Variants in DOK7 observed in about 807,000 individuals in gnomAD.
DOK7 encodes protein Dok-7.
A neutral mutation model predicts 30.7 loss-of-function variants in DOK7; 32 were observed. The observed-to-expected ratio is 1.04, with a 90% CI of 0.79 to 1.40. DOK7 has a LOEUF of 1.40. DOK7 is among the 40% of genes most tolerant of loss of function. The pLI, the probability that DOK7 is intolerant of heterozygous loss-of-function variation, is 0.00. For missense variants in DOK7, 1,007 were observed against 699.2 expected, an observed-to-expected ratio of 1.44 and a Z score of -4.97; for synonymous variants, 447 against 324.1, an observed-to-expected ratio of 1.38 and a Z score of -4.07.
chr4:3,480,807 C>T (rs777283110), intron 4 of DOK7, among the ~76,000 whole-genome samples: 6 of 151,988 alleles, frequency 3.9e-5, no homozygotes, highest in South Asian at 2.1e-4. Context: ...CATTGCCGGG[C>T]GCTGGGCCTA....
rs1375753014 is a variant in DOK7 at position 3,485,582 on chromosome 4, C to T, written c.576C>T (p.Ile192=). Residue 192 remains isoleucine, a synonymous_variant, in exon 5 of 7, where the codon ATC becomes ATT. Transcript: ENST00000340083. ...FFLSSAEGEQ[I]SFLFDCIVRG... ...TGTCCTCGGCCGAGGGGGAGCAGAT[C>T]AGCTTCCTGTTCGACTGCATCGTCC... 4 of 1,607,928 alleles carry T rather than the reference C, an allele frequency of 2.5e-6. No homozygotes were observed. Among genetic ancestry groups the T allele is most frequent in the Non-Finnish European group, 3.4e-6 (4 of 1,177,004 alleles).
intron 2 of DOK7, among the ~76,000 whole-genome samples, chr4:3,469,078 G>C (rs904622327): frequency 6.7e-6 from 1 of 149,918 alleles, no homozygotes; most frequent in African/African-American, 2.5e-5. Flanking sequence ...GTGTGCCTGA[G>C]TGTACATGTG....
At chr4:3,497,028 G>A (rs569282902), downstream of DOK7, among the ~76,000 whole-genome samples, 346 of 152,070 alleles carry the variant, frequency 2.3e-3, no homozygotes, top group Non-Finnish European at 3.7e-3. Flanking sequence ...TTGGCTGACA[G>A]TGGATGTTGG....
rs1409803504 is a variant in DOK7 at position 3,493,804 on chromosome 4, T to G, written c.*303T>G. ...CTGAGGATCAGGTGAGTGCTGCACC[T>G]CTGTTGGCTCGTGCCTTGCACTGGG... On this transcript the variant is annotated 3_prime_UTR_variant, in exon 7 of 7. Transcript: ENST00000340083. The G allele has an allele frequency of 1.2e-5, 15 of 1,300,342 alleles. No individual in the cohort carries two copies. The highest frequency in any genetic ancestry group is 1.1e-4 in the Admixed American group (3 of 26,420). 80.6% of individuals were successfully genotyped at this position (1,300,342 alleles called of 1,614,324 possible). A position where few individuals can be genotyped will look rare whatever the true frequency, so the allele number is the denominator to read the frequency against.
downstream of DOK7, among the ~76,000 whole-genome samples, chr4:3,499,098 G>C (rs188259190): frequency 6.6e-6 from 1 of 152,230 alleles, no homozygotes. Flanking sequence ...GGCAGGTGCC[G>C]GGCAGCGGGT....
At chr4:3,468,497 C>CATGTGCGTGTGTGCGTGT (rs1726471387) in intron 2 of DOK7, among the ~76,000 whole-genome samples, 1 of 110,878 alleles carries the variant, frequency 9.0e-6, no homozygotes, top group East Asian at 2.2e-4. Flanking sequence ...TATGAGTGTG[C>CATGTGCGTGTGTGCGTGT]ATGTGCGTGT....
At chr4:3,476,840 C>G (rs988028205) in intron 4 of DOK7, among the ~76,000 whole-genome samples, 1 of 152,244 alleles carries the variant, frequency 6.6e-6, no homozygotes, top group Non-Finnish European at 1.5e-5. Context: ...CCGCTCATAT[C>G]CAGATTTCAT....
downstream of DOK7, among the ~76,000 whole-genome samples, chr4:3,495,949 CTT>C (rs1348393334): frequency 6.6e-6 from 1 of 152,196 alleles, no homozygotes; most frequent in African/African-American, 2.4e-5. Context: ...ACTGTCTGCC[CTT>C]GAGTCTGGCC....
At chr4:3,485,434 T>C (rs886612526) in intron 4 of DOK7, 105 bp from the exon 5 acceptor site, 364 of 1,362,180 alleles carry the variant, frequency 2.7e-4, no homozygotes, top group Non-Finnish European at 3.4e-4. Flanking sequence ...AGGGTGTCAT[T>C]GTCGGCTCTT....
chr4:3,480,720 C>T (rs951345286), intron 4 of DOK7, among the ~76,000 whole-genome samples: 1 of 152,270 alleles, frequency 6.6e-6, no homozygotes, highest in Non-Finnish European at 1.5e-5. Context: ...CCACTGCAGC[C>T]TGCGGGGGCA....
rs1289203909 is a variant in DOK7, at chr4:3,473,564, A to G, written c.259A>G (p.Ile87Val). Residue 87 changes from isoleucine (I) to valine (V), a missense_variant, in exon 3 of 7, where the codon ATC (isoleucine) becomes GTC (valine). Coordinates refer to ENST00000340083, the MANE Select transcript of DOK7 (RefSeq NM_173660.5). ...GGCCATTGTCTGCCTGTCCCAGGCCATCATGCTGGGCTTTGACAGCCACGA... is the reference window on the plus strand; with the variant it reads ...GGCCATTGTCTGCCTGTCCCAGGCCGTCATGCTGGGCTTTGACAGCCACGA... Reference protein sequence around the residue: ...TLAIVCLSQAIMLGFDSHEAM... With the variant: ...TLAIVCLSQAVMLGFDSHEAM... 5.0e-6 allele frequency: 8 copies of G among 1,610,350 alleles called. No homozygotes were observed. Among genetic ancestry groups the G allele is most frequent in the East Asian group, 2.2e-5 (1 of 44,846 alleles).
At chr4:3,477,602 G>A (rs1056648251) in intron 4 of DOK7, among the ~76,000 whole-genome samples, 4 of 152,246 alleles carry the variant, frequency 2.6e-5, no homozygotes, top group East Asian at 3.8e-4. Flanking sequence ...TTGAGGAGAC[G>A]ACATCTGACC....
At chr4:3,489,920 T>TTC in intron 6 of DOK7, 124 bp downstream of exon 6, 1 of 1,410,680 alleles carries the variant, frequency 7.1e-7, no homozygotes, top group Non-Finnish European at 9.4e-7. Flanking sequence ...ATTCCTTCTG[T>TTC]CTCCTGCTCA....
At chr4:3,491,003 T>C (rs1197133725) in intron 6 of DOK7, among the ~76,000 whole-genome samples, 5 of 85,916 alleles carry the variant, frequency 5.8e-5, no homozygotes, top group African/African-American at 1.7e-4. Context: ...ATTCCTTCCT[T>C]CTTCTTCCTG....
intron 4 of DOK7, 115 bp downstream of exon 4, chr4:3,476,657 G>A: frequency 2.2e-6 from 3 of 1,355,498 alleles, no homozygotes; most frequent in Non-Finnish European, 3.1e-6. Context: ...GGCATTTCCA[G>A]AATGCGCCGG....
In DOK7 at chr4:3,476,130, A is replaced by ATGATGCCCTCTCGCCCCGCCTGACCG. The variant is rs1461055763; in HGVS notation, c.332-191_332-166dup. 1.5e-3 allele frequency among the ~76,000 whole-genome samples: 175 copies of ATGATGCCCTCTCGCCCCGCCTGACCG among 115,912 alleles called. 4 individuals carry two copies. Among genetic ancestry groups the ATGATGCCCTCTCGCCCCGCCTGACCG allele is most frequent in the Middle Eastern group, 9.9e-3 (2 of 202 alleles). 76.0% of individuals were successfully genotyped at this position (115,912 alleles called of 152,430 possible). A position where few individuals can be genotyped will look rare whatever the true frequency, so the allele number is the denominator to read the frequency against. On this transcript the variant is annotated intron_variant, in intron 3 of 6. Transcript: ENST00000340083. ...ACAGTGGCCCCTGTTGCCTCCTCTC[A>ATGATGCCCTCTCGCCCCGCCTGACCG]TGATGCCCTCTCGCCCCGCCTGACC...
At position 3,490,827 on chromosome 4, in the gene DOK7, TCCC is replaced by T. The variant is rs1207800515; in HGVS notation, c.772+1035_772+1037del. 1.1e-3 allele frequency among the ~76,000 whole-genome samples: 55 copies of T among 48,470 alleles called. 2 individuals carry two copies. Among genetic ancestry groups the T allele is most frequent in the African/African-American group, 5.2e-3 (49 of 9,508 alleles). The allele number at this position is 48,470 out of a possible 152,430, so 31.8% of individuals were successfully genotyped here. Reference sequence around the variant, plus strand: ...CCCCCCCGCTCATTCATTCCTGCCTTCCCCCCATTCATTCCTTCCTTCCCCCCC... The same window carrying T: ...CCCCCCCGCTCATTCATTCCTGCCTTCCCATTCATTCCTTCCTTCCCCCCC... On this transcript the variant is annotated intron_variant, in intron 6 of 6. Coordinates refer to ENST00000340083, the MANE Select transcript of DOK7 (RefSeq NM_173660.5).
At position 3,494,471 on chromosome 4, in the gene DOK7, G is replaced by T. The variant is rs1020040017; in HGVS notation, c.*970G>T. On this transcript the variant is annotated 3_prime_UTR_variant, in exon 7 of 7. Coordinates refer to ENST00000340083, the MANE Select transcript of DOK7 (RefSeq NM_173660.5). ...GTTTGTAATAGACTGGAAATAAAAT[G>T]TTCTTTCCTTACCACCTTGTCCTAG... The T allele has an allele frequency of 2.0e-6, 2 of 985,374 alleles. No homozygotes were observed. Among genetic ancestry groups the T allele is most frequent in the Non-Finnish European group, 2.4e-6 (2 of 829,922 alleles). The allele number at this position is 985,374 out of a possible 1,614,324, so 61.0% of individuals were successfully genotyped here.
intron 2 of DOK7, among the ~76,000 whole-genome samples, 175 bp from the exon 3 acceptor site, chr4:3,473,231 G>A (rs1445980953): frequency 6.6e-6 from 1 of 152,258 alleles, no homozygotes; most frequent in Non-Finnish European, 1.5e-5. Flanking sequence ...GTCTTGCAAG[G>A]GGAGGGGATC....
Sources: allele counts gnomAD v4.1 joint callset (sites outside exome capture counted in the v4.1 genomes callset), GRCh38; gene constraint gnomAD v4.1.1; transcripts MANE v1.5; gene names NCBI Gene and HGNC (gene_info 2026-07-23, HGNC 2026-07-21).